TRO: variants seen among roughly 807,000 people sequenced by gnomAD.
TRO encodes MAGE superfamily protein.
Under a neutral mutation model 42.3 loss-of-function variants are expected in TRO, and 29 were observed. That is an observed-to-expected ratio of 0.68 (90% CI 0.51 to 0.93). TRO has a LOEUF of 0.93. Among genes scored for constraint, TRO ranks in the 40% least tolerant of loss-of-function variants. The probability of loss-of-function intolerance (pLI) is 0.00; values close to 1 mark genes in which losing one functional copy is unlikely to be tolerated. For missense variants in TRO, 963 were observed against 1,127.7 expected (o/e 0.85, Z 2.09); for synonymous variants, 384 against 425.2 (o/e 0.90, Z 1.19).
rs376069932 is a variant in TRO at position 54,923,648 on chromosome X, G to A, written c.1116G>A (p.Gln372=). 6.6e-5 allele frequency: 80 copies of A among 1,209,545 alleles called. 3 individuals carry two copies. The South Asian group carries it at 1.2e-3, about 18-fold the overall frequency. The part of the protein sequence containing the change: ...QGAQAKIASA[Q]TNVSALETQV... Reference sequence around the variant, plus strand: ...CCCAGGCCAAGATAGCCTCTGCTCAGACCAACGTAAGTGCCCTTGAGACTC... The same window carrying A: ...CCCAGGCCAAGATAGCCTCTGCTCAAACCAACGTAAGTGCCCTTGAGACTC... Residue 372 remains glutamine (Q), a synonymous_variant, in exon 3 of 13, where the codon CAG becomes CAA. Transcript: ENST00000173898.
At position 54,923,513 on chromosome X, in the gene TRO, A is replaced by T; in HGVS notation, c.981A>T (p.Thr327=). ...CCCCACTTGCCACTCAGATAGTCAC[A>T]AACCAAGCCCTGGCAGCCACCCTGC... ...SEAPLATQIV[T]NQALAATLRV... is the part of the protein sequence containing the mutation. The change falls in exon 3 of 13, where the codon ACA becomes ACT. Residue 327 remains threonine, a synonymous_variant. Coordinates refer to ENST00000173898, the MANE Select transcript of TRO (RefSeq NM_001039705.3). The T allele has an allele frequency of 8.4e-7, 1 of 1,187,136 alleles. No individual in the cohort carries two copies. The highest frequency in any genetic ancestry group is 1.1e-6 in the Non-Finnish European group (1 of 882,124).
rs1229209072 is a variant in TRO, at chrX:54,929,270, T to C, written c.2546T>C (p.Phe849Ser). The C allele has an allele frequency of 8.3e-7, 1 of 1,211,824 alleles. No homozygotes were observed. The highest frequency in any genetic ancestry group is 1.1e-6 in the Non-Finnish European group (1 of 895,400). The change falls in exon 12 of 13, where the codon TTT (phenylalanine) becomes TCT (serine). Residue 849 changes from phenylalanine (F) to serine (S), a missense_variant. Phe to Ser is a radical substitution (Grantham distance 155, BLOSUM62 -2). Around this residue, in one of 2 missense-constraint regions of TRO, gnomAD observed 641 missense variants for 811.3 expected, o/e 0.79. Coordinates refer to ENST00000173898, the MANE Select transcript of TRO (RefSeq NM_001039705.3). ...TTCAGTGGTGGAGCCAGCTCTGGCT[T>C]TGGAGGCACACTCAGCACCACGGCT... is the stretch of plus-strand genomic sequence containing the variant. ...ATFSGGASSG[F>S]GGTLSTTAGF...
chrX:54,924,381 G>C, intron 3 of TRO, 70 bp from the exon 4 acceptor site: 1 of 981,128 alleles, frequency 1.0e-6, no homozygotes. Flanking sequence ...TCTGGAGCAG[G>C]CAAGGTGAGG....
rs375890736 is a variant in TRO, at chrX:54,927,688, C to A, written c.1785C>A (p.Val595=). The A allele has an allele frequency of 2.8e-5, 34 of 1,208,626 alleles. No homozygotes were observed. Among genetic ancestry groups the A allele is most frequent in the Non-Finnish European group, 3.6e-5 (32 of 894,330 alleles). ...CAAGGTACCTGGAGTACAAGAGGGT[C>A]CCTAACAGCAGACCACCTGAATATG... ...VKQKYLEYKR[V]PNSRPPEYEF... Residue 595 remains valine (V), a synonymous_variant, in exon 11 of 13, where the codon GTC becomes GTA. Transcript: ENST00000173898.
chrX:54,923,477 G>A lies in TRO; in HGVS notation c.945G>A (p.Glu315=), dbSNP rs756797551. Residue 315 remains glutamate, a synonymous_variant, in exon 3 of 13, where the codon GAG becomes GAA. Transcript: ENST00000173898. The part of the protein sequence containing the change: ...AASRGPNSVS[E]ISEAPLATQI... ...GCAGGGGCCCAAATTCTGTCTCTGAGATCTCTGAGGCCCCACTTGCCACTC... is the reference window on the plus strand; with the variant it reads ...GCAGGGGCCCAAATTCTGTCTCTGAAATCTCTGAGGCCCCACTTGCCACTC... 4 of 1,186,824 alleles carry A rather than the reference G, an allele frequency of 3.4e-6. No homozygotes were observed. In the East Asian group the frequency reaches 1.2e-4, roughly 36 times the overall value.
Position 54,923,164 on chromosome X carries a change from C to A in TRO, c.632C>A (p.Ala211Asp). 1 of 1,211,738 alleles carries A rather than the reference C, an allele frequency of 8.3e-7. No homozygotes were observed. The highest frequency in any genetic ancestry group is 1.1e-6 in the Non-Finnish European group (1 of 895,497). ...AAGAAAGCTTCCAAGGCTAAGAAGG[C>A]TGCAAATAAGGCCATAGCTAGTGCC... is the stretch of plus-strand genomic sequence containing the variant. ...KPKKASKAKKAANKAIASATE... is the reference protein window; with the variant it reads ...KPKKASKAKKDANKAIASATE... The change falls in exon 3 of 13, where the codon GCT becomes GAT. Residue 211 changes from alanine (A) to aspartate (D), a missense_variant. Ala to Asp is a moderately radical substitution (Grantham distance 126, BLOSUM62 -2). Coordinates refer to ENST00000173898, the MANE Select transcript of TRO (RefSeq NM_001039705.3).
In TRO at chrX:54,929,189, G is replaced by A. The variant is rs770372598; in HGVS notation, c.2465G>A (p.Ser822Asn). 2 of 1,212,574 alleles carry A rather than the reference G, an allele frequency of 1.6e-6. No homozygotes were observed. The highest frequency in any genetic ancestry group is 2.2e-6 in the Non-Finnish European group (2 of 895,697). The change falls in exon 12 of 13, where the codon AGC (serine) becomes AAC (asparagine). Residue 822 changes from serine to asparagine, a missense_variant. Ser to Asn is a conservative substitution (Grantham distance 46). Coordinates refer to ENST00000173898, the MANE Select transcript of TRO (RefSeq NM_001039705.3). Reference protein sequence around the residue: ...SFGGMPCTSASFSGGVSSSFS... With the variant: ...SFGGMPCTSANFSGGVSSSFS... ...GGTGGCATGCCTTGTACCAGTGCCA[G>A]CTTTAGTGGTGGAGTCAGCTCTAGT...
intron 2 of TRO, 113 bp downstream of exon 2, chrX:54,922,404 G>A (rs1275946103): frequency 5.1e-6 from 5 of 981,023 alleles, no homozygotes; most frequent in Non-Finnish European, 7.0e-6. Context: ...ACTCGTCTCA[G>A]TCCTCCCTTA....
At position 54,925,599 on chromosome X, in the gene TRO, G is replaced by A. The variant is rs759964435; in HGVS notation, c.1493G>A (p.Arg498Gln). ...RASYTLEKMF[R>Q]VNLKEIDKQS... is the part of the protein sequence containing the mutation. ...TATTCTTTTACTTGGCAGATGTTTC[G>A]AGTCAATCTGAAAGAAATTGATAAG... is the stretch of plus-strand genomic sequence containing the variant. The change falls in exon 7 of 13, where the codon CGA (arginine) becomes CAA (glutamine). Residue 498 changes from arginine (R) to glutamine (Q), a missense_variant. Arg to Gln is a conservative substitution (Grantham distance 43, BLOSUM62 1). Coordinates refer to ENST00000173898, the MANE Select transcript of TRO (RefSeq NM_001039705.3). The A allele has an allele frequency of 3.3e-6, 4 of 1,208,290 alleles. No individual in the cohort carries two copies. Among genetic ancestry groups the A allele is most frequent in the East Asian group, 3.0e-5 (1 of 33,790 alleles).
In TRO at chrX:54,928,643, G is replaced by A. The variant is rs753472954; in HGVS notation, c.1919G>A (p.Arg640His). Reference protein sequence around the residue: ...KDPKDWAVQYREAVEMEVQAA... With the variant: ...KDPKDWAVQYHEAVEMEVQAA... ...CCCAAGGACTGGGCTGTGCAGTACCGCGAGGCAGTGGAGATGGAAGTCCAA... is the reference window on the plus strand; with the variant it reads ...CCCAAGGACTGGGCTGTGCAGTACCACGAGGCAGTGGAGATGGAAGTCCAA... Residue 640 changes from arginine to histidine, a missense_variant, in exon 12 of 13, where the codon CGC becomes CAC. Arg to His is a conservative substitution (Grantham distance 29, BLOSUM62 0). Transcript: ENST00000173898. The A allele has an allele frequency of 1.9e-5, 22 of 1,187,455 alleles. No homozygotes were observed. Among genetic ancestry groups the A allele is most frequent in the Admixed American group, 9.3e-5 (4 of 42,901 alleles).
In TRO at chrX:54,927,727, C is replaced by T; in HGVS notation, c.1824C>T (p.Gly608=). The change falls in exon 11 of 13, where the codon GGC becomes GGT. Residue 608 remains glycine, a synonymous_variant. Transcript: ENST00000173898. Reference sequence around the variant, plus strand: ...CACCTGAATATGAGTTCTTCTGGGGCTTGCGCTCCTACCACGAGACTAGCA... The same window carrying T: ...CACCTGAATATGAGTTCTTCTGGGGTTTGCGCTCCTACCACGAGACTAGCA... ...SRPPEYEFFW[G]LRSYHETSKM... 8.3e-7 allele frequency: 1 copy of T among 1,211,610 alleles called. No individual in the cohort carries two copies. The highest frequency in any genetic ancestry group is 2.3e-4 in the Middle Eastern group (1 of 4,354).
Position 54,928,700 on chromosome X carries a change from C to G in TRO, c.1976C>G (p.Ala659Gly), listed in dbSNP as rs1290292345. The G allele has an allele frequency of 8.3e-7, 1 of 1,208,807 alleles. No homozygotes were observed. Among genetic ancestry groups the G allele is most frequent in the Admixed American group, 2.2e-5 (1 of 45,725 alleles). ...AAAVAVAEAEARAEARAQMGI... is the reference protein window; with the variant it reads ...AAAVAVAEAEGRAEARAQMGI... ...GCTGTGGCTGTGGCTGAGGCTGAAGCCAGGGCTGAGGCAAGAGCCCAAATG... is the reference window on the plus strand; with the variant it reads ...GCTGTGGCTGTGGCTGAGGCTGAAGGCAGGGCTGAGGCAAGAGCCCAAATG... The change falls in exon 12 of 13, where the codon GCC becomes GGC. Residue 659 changes from alanine (A) to glycine (G), a missense_variant. By Grantham distance (60) the Ala-to-Gly change is moderately conservative (BLOSUM62 0). This residue lies in a region of TRO where 641 missense variants were observed against 811.3 expected (regional missense o/e 0.79). Coordinates refer to ENST00000173898, the MANE Select transcript of TRO (RefSeq NM_001039705.3).
At chrX:54,928,359 T>A (rs956632951) in intron 11 of TRO, among the ~76,000 whole-genome samples, 4 of 111,997 alleles carry the variant, frequency 3.6e-5, no homozygotes, top group Non-Finnish European at 7.5e-5. Flanking sequence ...TCATAACATA[T>A]TTACGCTCTA....
In TRO at chrX:54,929,031, C is replaced by T. The variant is rs1231154846; in HGVS notation, c.2307C>T (p.Phe769=). 8.3e-7 allele frequency: 1 copy of T among 1,211,624 alleles called. No individual in the cohort carries two copies. Among genetic ancestry groups the T allele is most frequent in the East Asian group, 3.0e-5 (1 of 33,821 alleles). The change falls in exon 12 of 13, where the codon TTC becomes TTT. Residue 769 remains phenylalanine, a synonymous_variant. Coordinates refer to ENST00000173898, the MANE Select transcript of TRO (RefSeq NM_001039705.3). ...FGVAPSTSAS[F]SNTASISFGG... ...TTGCACCCAGCACCAGTGCCAGCTTCAGCAATACAGCCAGCATTAGCTTTG... is the reference window on the plus strand; with the variant it reads ...TTGCACCCAGCACCAGTGCCAGCTTTAGCAATACAGCCAGCATTAGCTTTG...
rs1932339548 is a variant in TRO at position 54,923,260 on chromosome X, C to T, written c.728C>T (p.Ala243Val). Reference sequence around the variant, plus strand: ...CAAGGCCAAATTACCAATGAGACAGCCAGTATCCACACCACAGCAGCCTCC... The same window carrying T: ...CAAGGCCAAATTACCAATGAGACAGTCAGTATCCACACCACAGCAGCCTCC... ...TTQGQITNET[A>V]SIHTTAASIR... is the part of the protein sequence containing the mutation. The change falls in exon 3 of 13, where the codon GCC (alanine) becomes GTC (valine). Residue 243 changes from alanine (A) to valine (V), a missense_variant. Coordinates refer to ENST00000173898, the MANE Select transcript of TRO (RefSeq NM_001039705.3). 1 of 1,209,911 alleles carries T rather than the reference C, an allele frequency of 8.3e-7. No homozygotes were observed. Among genetic ancestry groups the T allele is most frequent in the South Asian group, 1.8e-5 (1 of 56,752 alleles).
rs764835806 is a variant in TRO, at chrX:54,929,940, C to T, written c.3216C>T (p.Ala1072=). 2.7e-5 allele frequency: 32 copies of T among 1,205,286 alleles called. No individual in the cohort carries two copies. Among genetic ancestry groups the T allele is most frequent in the Non-Finnish European group, 3.0e-5 (27 of 892,627 alleles). Residue 1072 remains alanine, a synonymous_variant, in exon 12 of 13, where the codon GCC becomes GCT. Transcript: ENST00000173898. ...ALNTNASFGC[A]VSTSASFSGA... ...ACACCAATGCCAGCTTTGGCTGTGC[C>T]GTCAGCACCAGTGCCAGCTTCAGTG... is the stretch of plus-strand genomic sequence containing the variant.
intron 11 of TRO, 60 bp downstream of exon 11, chrX:54,927,841 C>A: frequency 1.0e-6 from 1 of 988,327 alleles, no homozygotes; most frequent in Non-Finnish European, 1.4e-6. Context: ...TTGGCTGGGG[C>A]AGGCAATGCA....
Position 54,923,033 on chromosome X carries a change from G to C in TRO, c.501G>C (p.Lys167Asn), listed in dbSNP as rs372629781. The change falls in exon 3 of 13, where the codon AAG becomes AAC. Residue 167 changes from lysine to asparagine, a missense_variant. Physicochemically the swap from Lys to Asn is moderately conservative, Grantham distance 94 (BLOSUM62 0). Transcript: ENST00000173898. ...ATGAGGGTGGCACTATACAGCTGAA[G>C]TCACCCTTGCAGGTCCTAAAGCTAC... The part of the protein sequence containing the change: ...TGHEGGTIQL[K>N]SPLQVLKLPV... 16 of 1,210,458 alleles carry C rather than the reference G, an allele frequency of 1.3e-5. No individual in the cohort carries two copies. The African/African-American group carries it at 2.4e-4, about 18-fold the overall frequency.
chrX:54,924,807 C>T, intron 5 of TRO, 74 bp downstream of exon 5: 2 of 1,061,918 alleles, frequency 1.9e-6, no homozygotes, highest in Admixed American at 4.5e-5. Flanking sequence ...GGGAGTAACA[C>T]TTTATGGCCT....
Sources: gnomAD v4.1 joint callset for allele counts (sites outside exome capture counted in the v4.1 genomes callset) on GRCh38, gnomAD v4.1.1 for gene constraint, gnomAD v4.1.1 regional missense constraint, MANE v1.5 for transcripts, NCBI Gene and HGNC (gene_info 2026-07-23, HGNC 2026-07-21) for gene names.